WWP1: variants seen among roughly 807,000 people sequenced by gnomAD.
WWP1 encodes NEDD4-like E3 ubiquitin-protein ligase WWP1.
Under a neutral mutation model 130.6 loss-of-function variants are expected in WWP1, and 49 were observed. The observed-to-expected ratio is 0.38, with a 90% CI of 0.30 to 0.48. WWP1 has a LOEUF of 0.48. WWP1 is among the 20% of genes least tolerant of loss of function. WWP1 has a pLI of 0.99. For synonymous variants in WWP1, 332 were observed against 367.8 expected (o/e 0.90, Z 1.11); for missense variants, 809 against 1,100.6 (o/e 0.74, Z 3.75).
At chr8:86,394,173 T>C (rs1235305749) in intron 5 of WWP1, among the ~76,000 whole-genome samples, 2 of 152,268 alleles carry the variant, frequency 1.3e-5, no homozygotes, top group Non-Finnish European at 2.9e-5. Flanking sequence ...CTTCAGAATG[T>C]GGCTCTGAGC....
intron 8 of WWP1, among the ~76,000 whole-genome samples, chr8:86,406,601 A>G (rs1237154744): frequency 6.6e-6 from 1 of 152,178 alleles, no homozygotes; most frequent in Non-Finnish European, 1.5e-5. Context: ...AAAATCAGGA[A>G]ATTGACATGA....
At chr8:86,378,581 ATATT>A (rs1310103689) in intron 3 of WWP1, among the ~76,000 whole-genome samples, 2 of 152,092 alleles carry the variant, frequency 1.3e-5, no homozygotes, top group Non-Finnish European at 2.9e-5. Context: ...AAAAATCTAT[ATATT>A]CTACTAACTA....
At chr8:86,371,089 G>T (rs1340811987) in intron 2 of WWP1, among the ~76,000 whole-genome samples, 11 of 149,558 alleles carry the variant, frequency 7.4e-5, no homozygotes, top group African/African-American at 2.7e-4. Context: ...TGTTGGCCAG[G>T]CTGTTCTTGA....
At chr8:86,415,429 T>C (rs1026804240) in intron 9 of WWP1, among the ~76,000 whole-genome samples, 30 of 152,302 alleles carry the variant, frequency 2.0e-4, no homozygotes, top group African/African-American at 6.0e-4. Context: ...ATCCATCTGA[T>C]TTTTAGTGCA....
chr8:86,461,003 G>T (rs1811740211), intron 22 of WWP1, among the ~76,000 whole-genome samples: 1 of 151,510 alleles, frequency 6.6e-6, no homozygotes, highest in East Asian at 1.9e-4. Flanking sequence ...TAGAGACAGG[G>T]TTTCACCATG....
chr8:86,388,041 G>A (rs545362177), intron 5 of WWP1, among the ~76,000 whole-genome samples: 1 of 152,156 alleles, frequency 6.6e-6, no homozygotes, highest in South Asian at 2.1e-4. Context: ...TTTAAACTTG[G>A]TTTTATTTTA....
chr8:86,429,696 A>G (rs1375210581), intron 11 of WWP1, among the ~76,000 whole-genome samples: 1 of 152,134 alleles, frequency 6.6e-6, no homozygotes, highest in East Asian at 1.9e-4. Flanking sequence ...AATTGTGATA[A>G]CTGTTCTATT....
chr8:86,452,697 T>G lies in WWP1; in HGVS notation c.2394+18T>G. 3 of 1,611,366 alleles carry G rather than the reference T, an allele frequency of 1.9e-6. No homozygotes were observed. Among genetic ancestry groups the G allele is most frequent in the Non-Finnish European group, 1.7e-6 (2 of 1,178,926 alleles). On this transcript the variant is annotated intron_variant, in intron 21 of 24. Coordinates refer to ENST00000517970, the MANE Select transcript of WWP1 (RefSeq NM_007013.4). Reference sequence around the variant, plus strand: ...AATTAGAGGTTAGGCCCTTTTATTATGCTATTGTAGGGAATGTTAGTGGGG... The same window carrying G: ...AATTAGAGGTTAGGCCCTTTTATTAGGCTATTGTAGGGAATGTTAGTGGGG...
intron 1 of WWP1, among the ~76,000 whole-genome samples, chr8:86,365,349 C>T (rs751284414): frequency 1.8e-4 from 27 of 152,056 alleles, no homozygotes; most frequent in Admixed American, 3.3e-4. Context: ...GGAAGATAGT[C>T]GAAGTTATTA....
chr8:86,356,951 A>G (rs1335628041), intron 1 of WWP1, among the ~76,000 whole-genome samples: 4 of 152,202 alleles, frequency 2.6e-5, no homozygotes, highest in Admixed American at 2.0e-4. Context: ...GACTTCGTCT[A>G]GTTTGTAATG....
intron 11 of WWP1, 56 bp from the exon 12 acceptor site, chr8:86,430,641 C>A: frequency 7.0e-7 from 1 of 1,421,778 alleles, no homozygotes; most frequent in East Asian, 2.6e-5. Flanking sequence ...CTTATTTCTA[C>A]TTTCATATTA....
intron 14 of WWP1, among the ~76,000 whole-genome samples, chr8:86,433,995 A>G (rs1047995010): frequency 2.6e-5 from 4 of 152,074 alleles, no homozygotes; most frequent in African/African-American, 9.7e-5. Flanking sequence ...CAAGAATTCT[A>G]GTTACCTCAA....
At chr8:86,457,425 GTCTGTCTATCTATCTA>G (rs1050873016) in intron 21 of WWP1, among the ~76,000 whole-genome samples, 4 of 150,656 alleles carry the variant, frequency 2.7e-5, no homozygotes, top group African/African-American at 4.9e-5. Flanking sequence ...CTGTCTGTCT[GTCTGTCTATCTATCTA>G]TCTATCTATC....
intron 17 of WWP1, among the ~76,000 whole-genome samples, chr8:86,440,399 CT>C (rs776925939): frequency 2.6e-5 from 4 of 152,188 alleles, no homozygotes; most frequent in Non-Finnish European, 5.9e-5. Context: ...ATAATGTTCT[CT>C]GTTGCTTTTA....
chr8:86,435,200 T>C (rs1156855239), intron 14 of WWP1, among the ~76,000 whole-genome samples: 1 of 152,202 alleles, frequency 6.6e-6, no homozygotes, highest in Non-Finnish European at 1.5e-5. Flanking sequence ...GACTTTGATA[T>C]TTCATTTAAC....
intron 2 of WWP1, among the ~76,000 whole-genome samples, chr8:86,370,555 G>A (rs1450663464): frequency 6.6e-6 from 1 of 152,138 alleles, no homozygotes; most frequent in Non-Finnish European, 1.5e-5. Context: ...AAACTCTTGA[G>A]GCTCAGGATC....
At chr8:86,414,120 C>G (rs1808737166) in intron 9 of WWP1, among the ~76,000 whole-genome samples, 1 of 151,954 alleles carries the variant, frequency 6.6e-6, no homozygotes, top group Admixed American at 6.6e-5. Context: ...AGGTTATGAC[C>G]AGCATTTGAA....
At chr8:86,456,874 C>G (rs1811475243) in intron 21 of WWP1, among the ~76,000 whole-genome samples, 1 of 151,754 alleles carries the variant, frequency 6.6e-6, no homozygotes, top group Admixed American at 6.6e-5. Flanking sequence ...CACTATATAT[C>G]ACAAAAATAT....
At chr8:86,413,644 G>C (rs1300933918) in intron 9 of WWP1, among the ~76,000 whole-genome samples, 1 of 152,192 alleles carries the variant, frequency 6.6e-6, no homozygotes, top group Non-Finnish European at 1.5e-5. Flanking sequence ...TGCACATTCA[G>C]ATTCCTAGCA....
Sources: gnomAD v4.1 joint callset for allele counts (sites outside exome capture counted in the v4.1 genomes callset) on GRCh38, gnomAD v4.1.1 for gene constraint, MANE v1.5 for transcripts, NCBI Gene and HGNC (gene_info 2026-07-23, HGNC 2026-07-21) for gene names.